The following TMEM192 variants were observed in gnomAD, a reference collection of about 807,000 sequenced individuals.
TMEM192 encodes transmembrane protein 192.
A neutral mutation model predicts 26.7 loss-of-function variants in TMEM192; 20 were observed. The observed-to-expected ratio is 0.75, with a 90% CI of 0.53 to 1.09. TMEM192 has a LOEUF of 1.09. TMEM192 is among the 50% of genes least tolerant of loss of function. TMEM192 has a pLI of 0.00. For missense variants in TMEM192, 304 were observed against 322.6 expected (o/e 0.94, Z 0.44); for synonymous variants, 124 against 121.0 (o/e 1.02, Z -0.16).
intron 1 of TMEM192, among the ~76,000 whole-genome samples, chr4:165,108,135 TTTTTG>T (rs1479532347): frequency 7.4e-5 from 5 of 67,910 alleles, no homozygotes; most frequent in East Asian, 5.7e-4. Context: ...TTTTTTTTTT[TTTTTG>T]GAGATGTAGT....
Position 165,072,473 on chromosome 4 carries a change from C to T in TMEM192, c.*7185G>A, listed in dbSNP as rs1356097008. On this transcript the variant is annotated 3_prime_UTR_variant, in exon 6 of 6. Coordinates refer to ENST00000306480, the MANE Select transcript of TMEM192 (RefSeq NM_001100389.2). ...TCAGGAGGCTGAAGCAAGAGAATCA[C>T]TTGAACCTGGGAGGCGGAGGTTGCA... The T allele has an allele frequency of 1.3e-5, 2 of 151,352 alleles. No individual in the cohort carries two copies. The highest frequency in any genetic ancestry group is 2.9e-5 in the Non-Finnish European group (2 of 68,038). The allele number at this position is 151,352 out of a possible 1,614,324, so 9.4% of individuals were successfully genotyped here.
At position 165,087,045 on chromosome 4, in the gene TMEM192, C is replaced by T. The variant is rs574768467; in HGVS notation, c.575-1357G>A. ...AGGAGAATCGCTTAAACCCAGGAGG[C>T]GGAGGTTGCAGTAAGCTGAGATCAC... On this transcript the variant is annotated intron_variant, in intron 4 of 5. Transcript: ENST00000306480. Among the ~76,000 whole-genome samples, 9 of 151,882 alleles carry T rather than the reference C, an allele frequency of 5.9e-5. No homozygotes were observed. The South Asian group carries it at 1.5e-3, about 25-fold the overall frequency.
intron 4 of TMEM192, among the ~76,000 whole-genome samples, chr4:165,087,776 T>G (rs1734657232): frequency 6.6e-6 from 1 of 152,124 alleles, no homozygotes; most frequent in Non-Finnish European, 1.5e-5. Flanking sequence ...CCCATCTCTA[T>G]TAAAGTGCTA....
chr4:165,079,842 C>CTCAT, intron 5 of TMEM192, 46 bp from the exon 6 acceptor site: 1 of 1,570,576 alleles, frequency 6.4e-7, no homozygotes, highest in Middle Eastern at 1.7e-4. Context: ...TTCACCAATA[C>CTCAT]TCATTAGTGT....
chr4:165,085,712 G>C, intron 4 of TMEM192, 24 bp from the exon 5 acceptor site: 1 of 1,473,190 alleles, frequency 6.8e-7, no homozygotes, highest in South Asian at 1.2e-5. Context: ...GTCATTATTA[G>C]ATCGAATTCT....
chr4:165,112,798 C>A lies in TMEM192; in HGVS notation c.-25G>T, dbSNP rs754536930. 6.2e-7 allele frequency: 1 copy of A among 1,604,408 alleles called. No homozygotes were observed. The highest frequency in any genetic ancestry group is 1.3e-5 in the African/African-American group (1 of 74,636). ...TTTCCCGACGCCGGAGGCCGAAGCCCTGGCCAGCCCGGCCTCTCCACCTGG... is the reference window on the plus strand; with the variant it reads ...TTTCCCGACGCCGGAGGCCGAAGCCATGGCCAGCCCGGCCTCTCCACCTGG... On this transcript the variant is annotated 5_prime_UTR_variant, in exon 1 of 6. The change creates a new upstream start codon in the 5' untranslated region. Transcript: ENST00000306480.
At chr4:165,098,096 TA>T (rs1734954293) in intron 3 of TMEM192, among the ~76,000 whole-genome samples, 1 of 151,694 alleles carries the variant, frequency 6.6e-6, no homozygotes, top group Non-Finnish European at 1.5e-5. Context: ...GCTGAGATGC[TA>T]GCATTACAGG....
rs113967387 is a variant in TMEM192, at chr4:165,072,418, G to T, written c.*7240C>A. The T allele has an allele frequency of 0.12, 17,489 of 150,406 alleles. 1,295 individuals are homozygous for T. The highest frequency in any genetic ancestry group is 0.16 in the Non-Finnish European group (11,024 of 67,628). The allele number at this position is 150,406 out of a possible 1,614,324, so 9.3% of individuals were successfully genotyped here. A position where few individuals can be genotyped will look rare whatever the true frequency, so the allele number is the denominator to read the frequency against. Reference sequence around the variant, plus strand: ...AAAAATATAAAAAAATTAGCTGGGTGTGGTGGTATGTGCCGGTAATCCCAG... The same window carrying T: ...AAAAATATAAAAAAATTAGCTGGGTTTGGTGGTATGTGCCGGTAATCCCAG... On this transcript the variant is annotated 3_prime_UTR_variant, in exon 6 of 6. Transcript: ENST00000306480.
chr4:165,103,687 T>G (rs938285575), intron 1 of TMEM192, among the ~76,000 whole-genome samples: 2 of 152,006 alleles, frequency 1.3e-5, no homozygotes, highest in Admixed American at 1.3e-4. Context: ...GGCTAATTTT[T>G]TATTTTTAAT....
At chr4:165,090,213 GAAAAAA>G (rs35732863) in intron 3 of TMEM192, among the ~76,000 whole-genome samples, 22 of 52,072 alleles carry the variant, frequency 4.2e-4, no homozygotes, top group East Asian at 7.3e-4. Flanking sequence ...CTCCGTCTTG[GAAAAAA>G]AAAAAAAAAA....
intron 3 of TMEM192, among the ~76,000 whole-genome samples, chr4:165,093,449 G>C (rs975164795): frequency 1.3e-5 from 2 of 152,114 alleles, no homozygotes; most frequent in African/African-American, 2.4e-5. Flanking sequence ...AAAAACTTCT[G>C]CAGAGAAATG....
chr4:165,091,251 G>C (rs1191011257), intron 3 of TMEM192, among the ~76,000 whole-genome samples: 1 of 152,116 alleles, frequency 6.6e-6, no homozygotes, highest in Non-Finnish European at 1.5e-5. Flanking sequence ...CTGGGTGACA[G>C]AGCGAGACTC....
intron 2 of TMEM192, 131 bp downstream of exon 2, chr4:165,102,819 T>A: frequency 4.1e-4 from 189 of 465,324 alleles, no homozygotes; most frequent in Non-Finnish European, 5.2e-4. Flanking sequence ...GACACAGCAC[T>A]CAGGATGTCC....
chr4:165,099,143 C>T (rs1222617917), intron 3 of TMEM192, among the ~76,000 whole-genome samples: 1 of 132,112 alleles, frequency 7.6e-6, no homozygotes. Context: ...CTCACTCTGT[C>T]ACCCAGGCTG....
intron 3 of TMEM192, among the ~76,000 whole-genome samples, chr4:165,095,089 T>C (rs1734864220): frequency 6.6e-6 from 1 of 152,128 alleles, no homozygotes; most frequent in Non-Finnish European, 1.5e-5. Flanking sequence ...AGAGCTACCA[T>C]GCCTGGGCTC....
chr4:165,105,879 A>C (rs912811112), intron 1 of TMEM192, among the ~76,000 whole-genome samples: 6 of 152,196 alleles, frequency 3.9e-5, no homozygotes, highest in African/African-American at 1.4e-4. Flanking sequence ...TCCTTTGGGA[A>C]GTAATTAAGC....
intron 1 of TMEM192, among the ~76,000 whole-genome samples, chr4:165,108,526 C>T (rs1281378511): frequency 6.6e-6 from 1 of 152,152 alleles, no homozygotes; most frequent in African/African-American, 2.4e-5. Context: ...TAAGGCTAAT[C>T]TAAGGCCTCC....
chr4:165,080,333 C>T (rs1028701662), intron 5 of TMEM192, among the ~76,000 whole-genome samples: 9 of 152,182 alleles, frequency 5.9e-5, no homozygotes, highest in Middle Eastern at 6.8e-3. Context: ...TAACTCCTTC[C>T]TACACTACTG....
At chr4:165,099,498 C>T (rs1374644446) in intron 3 of TMEM192, among the ~76,000 whole-genome samples, 2 of 152,188 alleles carry the variant, frequency 1.3e-5, no homozygotes, top group African/African-American at 4.8e-5. Flanking sequence ...TTCTAAGTCT[C>T]ATGTGGACCT....
Sources: gnomAD v4.1 joint callset for allele counts (sites outside exome capture counted in the v4.1 genomes callset) on GRCh38, gnomAD v4.1.1 for gene constraint, MANE v1.5 for transcripts, NCBI Gene and HGNC (gene_info 2026-07-23, HGNC 2026-07-21) for gene names.